Variants in RNF144B observed in about 807,000 individuals in gnomAD.
The protein encoded by RNF144B is E3 ubiquitin-protein ligase RNF144B.
Under a neutral mutation model 40.2 loss-of-function variants are expected in RNF144B, and 25 were observed. That is an observed-to-expected ratio of 0.62 (90% confidence interval 0.45 to 0.87). The LOEUF is 0.87. RNF144B is among the 40% of genes least tolerant of loss of function. The pLI, the probability that RNF144B is intolerant of heterozygous loss-of-function variation, is 0.00. For synonymous variants in RNF144B, 145 were observed against 136.3 expected (o/e 1.06, Z -0.44); for missense variants, 365 against 373.7 (o/e 0.98, Z 0.19).
At chr6:18,440,849 G>A (rs1364120869) in intron 4 of RNF144B, among the ~76,000 whole-genome samples, 3 of 148,468 alleles carry the variant, frequency 2.0e-5, no homozygotes, top group Admixed American at 6.7e-5. Flanking sequence ...CTCATGGGTG[G>A]ATTACTTAAC....
intron 2 of RNF144B, among the ~76,000 whole-genome samples, chr6:18,407,485 A>C (rs567284462): frequency 1.3e-5 from 2 of 152,334 alleles, no homozygotes; most frequent in Middle Eastern, 6.8e-3. Flanking sequence ...CAGCTAGCAT[A>C]TATAGCTCTA....
intron 4 of RNF144B, among the ~76,000 whole-genome samples, chr6:18,454,838 T>C (rs964570754): frequency 2.0e-5 from 3 of 152,244 alleles, no homozygotes; most frequent in African/African-American, 4.8e-5. Flanking sequence ...GTAGTTTTAA[T>C]TGATTAGAGC....
Position 18,427,664 on chromosome 6 carries a change from C to G in RNF144B, c.249C>G (p.His83Gln). 1.2e-6 allele frequency: 2 copies of G among 1,612,224 alleles called. No homozygotes were observed. Among genetic ancestry groups the G allele is most frequent in the Non-Finnish European group, 1.7e-6 (2 of 1,178,474 alleles). ...ITCPDMVCLNHGTLQEAEIAC... is the reference protein window; with the variant it reads ...ITCPDMVCLNQGTLQEAEIAC... ...GCCCTGACATGGTGTGCCTAAACCA[C>G]GGGACCCTGCAGGAAGCTGAGGTAT... The change falls in exon 3 of 8, where the codon CAC (histidine) becomes CAG (glutamine). Residue 83 changes from histidine (H) to glutamine (Q), a missense_variant. His to Gln is a conservative substitution (Grantham distance 24). Coordinates refer to ENST00000259939, the MANE Select transcript of RNF144B (RefSeq NM_182757.4).
At chr6:18,403,989 C>G (rs1794844301) in intron 2 of RNF144B, among the ~76,000 whole-genome samples, 1 of 152,342 alleles carries the variant, frequency 6.6e-6, no homozygotes, top group Non-Finnish European at 1.5e-5. Flanking sequence ...CAGCCACTAC[C>G]TAGAGAGTGG....
At position 18,456,114 on chromosome 6, in the gene RNF144B, G is replaced by T. The variant is rs1451708244; in HGVS notation, c.332-1041G>T. ...ATTTTTTGTATTTTTAGTAGAGATG[G>T]TGTTTCACCCTGTTAGCCAGGATGG... On this transcript the variant is annotated intron_variant, in intron 4 of 7. Coordinates refer to ENST00000259939, the MANE Select transcript of RNF144B (RefSeq NM_182757.4). This position sits in a 1 kb window ranked among gnomAD's most constrained non-coding sequence, Gnocchi z 4.7. Among the ~76,000 whole-genome samples the T allele has an allele frequency of 1.3e-5, 2 of 152,094 alleles. No homozygotes were observed. Among genetic ancestry groups the T allele is most frequent in the Non-Finnish European group, 2.9e-5 (2 of 68,026 alleles).
Position 18,410,994 on chromosome 6 carries a change from CTTTT to C in RNF144B, c.165+11301_165+11304del, listed in dbSNP as rs58598090. 6.8e-6 allele frequency among the ~76,000 whole-genome samples: 1 copy of C among 147,848 alleles called. No individual in the cohort carries two copies. The highest frequency in any genetic ancestry group is 1.5e-5 in the Non-Finnish European group (1 of 67,268). On this transcript the variant is annotated intron_variant, in intron 2 of 7. Coordinates refer to ENST00000259939, the MANE Select transcript of RNF144B (RefSeq NM_182757.4). This position sits in a 1 kb window ranked among gnomAD's most constrained non-coding sequence, Gnocchi z 4.6. ...TTCTTTTTTTTTCTTCTTTTCTTTTCTTTTTTTTTGAGACGGAGTCTCATTCTGT... is the reference window on the plus strand; with the variant it reads ...TTCTTTTTTTTTCTTCTTTTCTTTTCTTTTTGAGACGGAGTCTCATTCTGT...
At position 18,399,652 on chromosome 6, in the gene RNF144B, G is replaced by A. The variant is rs773946901; in HGVS notation, c.118G>A (p.Asp40Asn). The change falls in exon 2 of 8, where the codon GAC becomes AAC. Residue 40 changes from aspartate (D) to asparagine (N), a missense_variant. Transcript: ENST00000259939. ...ACTCTGCCTGTGTGAGCAGTCTCTG[G>A]ACAAGATGACCACACTCCAGGAATG... is the stretch of plus-strand genomic sequence containing the variant. Reference protein sequence around the residue: ...CKLCLCEQSLDKMTTLQECQC... With the variant: ...CKLCLCEQSLNKMTTLQECQC... 8 of 1,613,964 alleles carry A rather than the reference G, an allele frequency of 5.0e-6. No homozygotes were observed. The highest frequency in any genetic ancestry group is 1.3e-5 in the African/African-American group (1 of 74,908).
chr6:18,439,641 C>T (rs762015491), intron 3 of RNF144B, 43 bp from the exon 4 acceptor site: 11 of 1,400,838 alleles, frequency 7.9e-6, no homozygotes, highest in African/African-American at 7.1e-5. Context: ...ACTCAGGGCA[C>T]TATGATGACT....
rs1794673052 is a variant in RNF144B, at chr6:18,395,377, C to G, written c.-36-4122C>G. The stretch of plus-strand genomic sequence containing the variant: ...CAAATGCCCTGAGCTTCCTGAGGCT[C>G]TACTATTGGGGGTTTCATGCTGTGA... On this transcript the variant is annotated intron_variant, in intron 1 of 7. Transcript: ENST00000259939. The surrounding 1 kb of genome is among the most constrained non-coding windows in gnomAD (Gnocchi z 4.5). 6.6e-6 allele frequency among the ~76,000 whole-genome samples: 1 copy of G among 152,044 alleles called. No homozygotes were observed. The highest frequency in any genetic ancestry group is 1.5e-5 in the Non-Finnish European group (1 of 68,016).
chr6:18,394,760 A>ATT (rs1315084997), intron 1 of RNF144B, among the ~76,000 whole-genome samples: 9 of 152,226 alleles, frequency 5.9e-5, no homozygotes, highest in African/African-American at 1.9e-4. Context: ...TAATGACAAG[A>ATT]CACGAGGGGA....
intron 3 of RNF144B, among the ~76,000 whole-genome samples, chr6:18,432,626 T>C (rs1272540458): frequency 6.6e-6 from 1 of 152,234 alleles, no homozygotes; most frequent in Non-Finnish European, 1.5e-5. Flanking sequence ...TCCCATGTAG[T>C]GTTATTGAAG....
chr6:18,429,088 C>G (rs1162343231), intron 3 of RNF144B, among the ~76,000 whole-genome samples: 1 of 152,076 alleles, frequency 6.6e-6, no homozygotes, highest in East Asian at 1.9e-4. Flanking sequence ...GTCCCAGCTA[C>G]TCTGGAGGCT....
At position 18,460,790 on chromosome 6, in the gene RNF144B, A is replaced by T. The variant is rs1312941060; in HGVS notation, c.681+1039A>T. 6.6e-6 allele frequency among the ~76,000 whole-genome samples: 1 copy of T among 152,098 alleles called. No homozygotes were observed. Among genetic ancestry groups the T allele is most frequent in the Non-Finnish European group, 1.5e-5 (1 of 68,026 alleles). ...CAGCCCTGTGCCAAGGCTAATGGTA[A>T]CTTCAGAGTTAAAAATGCGATGCAA... On this transcript the variant is annotated intron_variant, in intron 6 of 7. Coordinates refer to ENST00000259939, the MANE Select transcript of RNF144B (RefSeq NM_182757.4). The surrounding 1 kb of genome is among the most constrained non-coding windows in gnomAD (Gnocchi z 4.4).
intron 2 of RNF144B, among the ~76,000 whole-genome samples, chr6:18,426,682 T>G (rs1348993189): frequency 6.6e-6 from 1 of 151,444 alleles, no homozygotes; most frequent in East Asian, 1.9e-4. Flanking sequence ...TCTCTGGTTT[T>G]CTTTTTTCTA....
intron 3 of RNF144B, among the ~76,000 whole-genome samples, chr6:18,439,092 G>A (rs889769599): frequency 6.6e-6 from 1 of 152,138 alleles, no homozygotes; most frequent in African/African-American, 2.4e-5. Flanking sequence ...GGAAATAGGA[G>A]TCTAGTTGCA....
Position 18,415,097 on chromosome 6 carries a change from T to C in RNF144B, c.166-12484T>C, listed in dbSNP as rs190020368. On this transcript the variant is annotated intron_variant, in intron 2 of 7. Coordinates refer to ENST00000259939, the MANE Select transcript of RNF144B (RefSeq NM_182757.4). The stretch of plus-strand genomic sequence containing the variant: ...TAATATCTAATACAATGTAAATCTA[T>C]ATAAATGGGTTTTCTACTGTATTTT... Among the ~76,000 whole-genome samples, 13 of 152,310 alleles carry C rather than the reference T, an allele frequency of 8.5e-5. No homozygotes were observed. In the East Asian group the frequency reaches 2.3e-3, roughly 27 times the overall value.
chr6:18,411,087 C>T (rs991188450), intron 2 of RNF144B, among the ~76,000 whole-genome samples: 4 of 151,586 alleles, frequency 2.6e-5, no homozygotes, highest in African/African-American at 9.7e-5. Flanking sequence ...CGGGTTCAAG[C>T]AGTTCTCCTA....
intron 1 of RNF144B, among the ~76,000 whole-genome samples, chr6:18,390,407 G>A (rs1229578102): frequency 6.6e-6 from 1 of 152,128 alleles, no homozygotes; most frequent in Non-Finnish European, 1.5e-5. Flanking sequence ...ATTAAAAAAT[G>A]GATAACTATA....
intron 4 of RNF144B, among the ~76,000 whole-genome samples, chr6:18,449,906 G>T (rs1189836416): frequency 1.3e-5 from 2 of 152,100 alleles, no homozygotes; most frequent in African/African-American, 4.8e-5. Context: ...AGCAATAAAT[G>T]TACTTTGAGC....
Sources: allele counts gnomAD v4.1 joint callset (sites outside exome capture counted in the v4.1 genomes callset), GRCh38; gene constraint gnomAD v4.1.1; non-coding constraint Gnocchi (gnomAD v3.1); transcripts MANE v1.5; gene names NCBI Gene and HGNC (gene_info 2026-07-23, HGNC 2026-07-21).